Variants in NTRK1 observed in about 807,000 individuals in gnomAD.
NTRK1 encodes the protein high affinity nerve growth factor receptor.
Under a neutral mutation model 86.8 loss-of-function variants are expected in NTRK1, and 62 were observed. The ratio of observed to expected loss-of-function variants is 0.71; its 90% CI spans 0.58 to 0.88. The LOEUF (loss-of-function observed/expected upper bound fraction) is 0.88, where lower values mean the gene tolerates loss of function less well. NTRK1 is among the 40% of genes least tolerant of loss of function. The pLI is 0.00. For synonymous variants in NTRK1, 469 were observed against 456.6 expected (o/e 1.03, Z -0.35); for missense variants, 967 against 1,078.4 (o/e 0.90, Z 1.45).
Position 156,852,157 on chromosome 1 carries a change from C to T in NTRK1, c.50+9964C>T, listed in dbSNP as rs548404413. 98 of 1,608,748 alleles carry T rather than the reference C, an allele frequency of 6.1e-5. No individual in the cohort carries two copies. The South Asian group carries it at 8.6e-4, about 14-fold the overall frequency. On this transcript the variant is annotated intron_variant, in intron 2 of 16. Coordinates refer to the NTRK1 transcript ENST00000392302. Reference sequence around the variant, plus strand: ...ATTCGGTGTGGCAGCACTCGCCCCTCGCTGTGCAAGCCATCCCATGGGGGC... The same window carrying T: ...ATTCGGTGTGGCAGCACTCGCCCCTTGCTGTGCAAGCCATCCCATGGGGGC...
rs58846511 is a variant in NTRK1, at chr1:156,865,481, C to T, written c.359+682C>T. On this transcript the variant is annotated intron_variant, in intron 3 of 16. Transcript: ENST00000524377. ...GATATGACAGGAGGCGGAGCTCAGG[C>T]GGTAATGCTCACTCACCGCTGCTCA... Among the ~76,000 whole-genome samples, 398 of 152,290 alleles carry T rather than the reference C, an allele frequency of 2.6e-3. 4 individuals are homozygous for T. The highest frequency in any genetic ancestry group is 8.5e-3 in the African/African-American group (353 of 41,548).
chr1:156,845,590 C>A (rs756260194), intron 2 of NTRK1: 2 of 1,528,238 alleles, frequency 1.3e-6, no homozygotes, highest in Non-Finnish European at 8.8e-7. Context: ...ACTCATCAGA[C>A]CCTCCCAGGC....
At chr1:156,853,942 G>A in intron 2 of NTRK1, 2 of 1,613,844 alleles carry the variant, frequency 1.2e-6, no homozygotes, top group African/African-American at 1.3e-5. Context: ...TGGTGGAGAG[G>A]TGGCAGAGCT....
At chr1:156,845,410 G>A (rs1280548279) in intron 2 of NTRK1, 1 of 1,553,914 alleles carries the variant, frequency 6.4e-7, no homozygotes, top group Admixed American at 1.9e-5. Flanking sequence ...CCTTCCAAGG[G>A]GATCTGGGGA....
Position 156,871,716 on chromosome 1 carries a change from G to A in NTRK1, c.811G>A (p.Val271Met), listed in dbSNP as rs777386428. Reference protein sequence around the residue: ...KNVTCWAENDVGRAEVSVQVN... With the variant: ...KNVTCWAENDMGRAEVSVQVN... ...CGTGACGTGCTGGGCAGAGAACGAT[G>A]TGGGCCGGGCAGAGGTCTCTGTTCA... The change falls in exon 7 of 17, where the codon GTG becomes ATG. Residue 271 changes from valine (V) to methionine (M), a missense_variant. Physicochemically the swap from Val to Met is conservative, Grantham distance 21. Around this residue, in one of 2 missense-constraint regions of NTRK1, gnomAD observed 637 missense variants for 776.5 expected, o/e 0.82. Transcript: ENST00000524377. 6.2e-7 allele frequency: 1 copy of A among 1,614,212 alleles called. No homozygotes were observed.
At chr1:156,871,788 C>G in intron 7 of NTRK1, 33 bp downstream of exon 7, 1 of 1,613,874 alleles carries the variant, frequency 6.2e-7, no homozygotes, top group Non-Finnish European at 8.5e-7. Flanking sequence ...GCACCCACCC[C>G]CTACTCATCT....
At chr1:156,845,336 G>A in intron 2 of NTRK1, 1 of 1,608,660 alleles carries the variant, frequency 6.2e-7, no homozygotes, top group African/African-American at 1.3e-5. Flanking sequence ...AGCCCCCAAA[G>A]CCACGCCCCT....
At position 156,864,761 on chromosome 1, in the gene NTRK1, G is replaced by A. The variant is rs774351278; in HGVS notation, c.321G>A (p.Ala107=). ...TGAAGAGTGGTCTCCGTTTCGTGGCGCCAGATGCCTTCCATTTCACTCCTC... is the reference window on the plus strand; with the variant it reads ...TGAAGAGTGGTCTCCGTTTCGTGGCACCAGATGCCTTCCATTTCACTCCTC... ...TIVKSGLRFV[A]PDAFHFTPRL... Residue 107 remains alanine, a synonymous_variant, in exon 3 of 17, where the codon GCG becomes GCA. Coordinates refer to ENST00000524377, the MANE Select transcript of NTRK1 (RefSeq NM_002529.4). 2.7e-5 allele frequency: 44 copies of A among 1,614,062 alleles called. No homozygotes were observed. The highest frequency in any genetic ancestry group is 6.6e-5 in the South Asian group (6 of 91,040).
chr1:156,842,973 G>A (rs755069144), intron 2 of NTRK1: 2 of 1,530,632 alleles, frequency 1.3e-6, no homozygotes, highest in Admixed American at 1.7e-5. Flanking sequence ...CACTAATTAT[G>A]ACCCTGACAA....
In NTRK1 at chr1:156,864,341, G is replaced by C; in HGVS notation, c.213-13G>C. 6.2e-7 allele frequency: 1 copy of C among 1,613,930 alleles called. No individual in the cohort carries two copies. The highest frequency in any genetic ancestry group is 1.3e-5 in the African/African-American group (1 of 75,024). On this transcript the variant is annotated splice_polypyrimidine_tract_variant and intron_variant, in intron 1 of 16. Coordinates refer to ENST00000524377, the MANE Select transcript of NTRK1 (RefSeq NM_002529.4). Reference sequence around the variant, plus strand: ...GGCCTGAGCCCTGTGACTCCCATCCGCTCTCCCCACAGCTACATCGAGAAC... The same window carrying C: ...GGCCTGAGCCCTGTGACTCCCATCCCCTCTCCCCACAGCTACATCGAGAAC...
intron 2 of NTRK1, among the ~76,000 whole-genome samples, chr1:156,847,668 TG>T (rs1468209481): frequency 7.0e-6 from 1 of 142,760 alleles, no homozygotes; most frequent in African/African-American, 2.6e-5. Flanking sequence ...AGGAGCAGGT[TG>T]GGGGGGTGGG....
In NTRK1 at chr1:156,870,759, T is replaced by C. The variant is rs144475627; in HGVS notation, c.718-864T>C. Among the ~76,000 whole-genome samples the C allele has an allele frequency of 3.5e-4, 54 of 152,314 alleles. 1 individual carries two copies. In the East Asian group the frequency reaches 7.1e-3, roughly 20 times the overall value. ...TTTGTGAAAATCACTTTCTAAAATG[T>C]CAGAAGATAATTTGTCCACCTCTTC... On this transcript the variant is annotated intron_variant, in intron 6 of 16. Coordinates refer to ENST00000524377, the MANE Select transcript of NTRK1 (RefSeq NM_002529.4).
intron 2 of NTRK1, chr1:156,842,583 AC>A: frequency 9.1e-7 from 1 of 1,101,876 alleles, no homozygotes; most frequent in Non-Finnish European, 1.4e-6. Context: ...ATCTGCTATG[AC>A]CACAGTCTGA....
intron 3 of NTRK1, among the ~76,000 whole-genome samples, chr1:156,865,327 GA>G (rs1655877273): frequency 6.6e-6 from 1 of 152,178 alleles, no homozygotes; most frequent in Non-Finnish European, 1.5e-5. Context: ...GATGGTGCGG[GA>G]GGAGAGGATG....
intron 2 of NTRK1, chr1:156,849,015 C>T: frequency 6.2e-7 from 1 of 1,613,456 alleles, no homozygotes; most frequent in Non-Finnish European, 8.5e-7. Context: ...GCCTCCGTCA[C>T]GTTGGACACG....
In NTRK1 at chr1:156,868,219, C is replaced by A. The variant is rs755312547; in HGVS notation, c.544C>A (p.Pro182Thr). ...EQKLQCHGQGPLAHMPNASCG... is the reference protein window; with the variant it reads ...EQKLQCHGQGTLAHMPNASCG... ...GAAGCTGCAGTGTCATGGGCAAGGG[C>A]CCCTGGCCCACATGCCCAATGCCAG... is the stretch of plus-strand genomic sequence containing the variant. The change falls in exon 5 of 17, where the codon CCC becomes ACC. Residue 182 changes from proline (P) to threonine (T), a missense_variant. This residue lies in a region of NTRK1 where 330 missense variants were observed against 302.0 expected (regional missense o/e 1.09). Coordinates refer to ENST00000524377, the MANE Select transcript of NTRK1 (RefSeq NM_002529.4). The A allele has an allele frequency of 6.2e-7, 1 of 1,612,016 alleles. No individual in the cohort carries two copies. The highest frequency in any genetic ancestry group is 8.5e-7 in the Non-Finnish European group (1 of 1,180,022).
upstream of NTRK1, among the ~76,000 whole-genome samples, chr1:156,858,051 G>T (rs1043230652): frequency 3.3e-5 from 5 of 152,190 alleles, no homozygotes; most frequent in East Asian, 9.7e-4. Flanking sequence ...TAAGAGGGGG[G>T]ACACAGGACA....
At chr1:156,849,506 GGGGT>G in intron 2 of NTRK1, 5 of 1,226,618 alleles carry the variant, frequency 4.1e-6, no homozygotes, top group African/African-American at 1.5e-5. Context: ...GTGGGGGCAG[GGGGT>G]GGGAAAGGGG....
At chr1:156,848,915 A>G (rs994807177) in intron 2 of NTRK1, 19 of 1,556,734 alleles carry the variant, frequency 1.2e-5, no homozygotes, top group Admixed American at 3.8e-5. Flanking sequence ...CGCCCCCGGC[A>G]CTCACGACTC....
Sources: allele counts gnomAD v4.1 joint callset (sites outside exome capture counted in the v4.1 genomes callset), GRCh38; gene constraint gnomAD v4.1.1; regional missense constraint gnomAD v4.1.1; transcripts MANE v1.5; gene names NCBI Gene and HGNC (gene_info 2026-07-23, HGNC 2026-07-21).